GALNT14: variants seen among roughly 807,000 people sequenced by gnomAD.
GALNT14 encodes the protein polypeptide N-acetylgalactosaminyltransferase 14.
In GALNT14, 60 loss-of-function variants were observed where a neutral mutation model predicts 77.5. The ratio of observed to expected loss-of-function variants is 0.77; its 90% CI spans 0.63 to 0.96. GALNT14 has a LOEUF of 0.96. Among genes scored for constraint, GALNT14 ranks in the 40% least tolerant of loss-of-function variants. GALNT14 has a pLI of 0.00. For synonymous variants in GALNT14, 280 were observed against 281.7 expected, an observed-to-expected ratio of 0.99 and a Z score of 0.06; for missense variants, 710 against 731.0, an observed-to-expected ratio of 0.97 and a Z score of 0.33.
chr2:31,079,406 C>CCT lies in GALNT14; in HGVS notation c.129+58550_129+58551dup, dbSNP rs537556160. ...GGCCAACCCGGAGATTCACTCCTTA[C>CCT]CTCTGAGGAAGAGCTGAGCCCTCGG... On this transcript the variant is annotated intron_variant, in intron 1 of 14. Transcript: ENST00000349752. 1.4e-3 allele frequency among the ~76,000 whole-genome samples: 219 copies of CCT among 152,286 alleles called. 1 individual carries two copies. Among genetic ancestry groups the CCT allele is most frequent in the African/African-American group, 4.9e-3 (203 of 41,552 alleles).
chr2:30,919,527 G>GC (rs1664907474), intron 13 of GALNT14, among the ~76,000 whole-genome samples: 1 of 152,188 alleles, frequency 6.6e-6, no homozygotes, highest in African/African-American at 2.4e-5. Context: ...ATTCTCTGGT[G>GC]CTTTTACTCC....
chr2:31,119,922 C>A (rs1275955746), intron 1 of GALNT14, among the ~76,000 whole-genome samples: 1 of 74,910 alleles, frequency 1.3e-5, no homozygotes, highest in Non-Finnish European at 3.9e-5. Context: ...TTTGGGAGGC[C>A]GAGGCGGGCG....
At position 30,992,993 on chromosome 2, in the gene GALNT14, G is replaced by T. The variant is rs781294705; in HGVS notation, c.144C>A (p.Asp48Glu). ...CAAACTGGTCCCACAGGTCGTCCCA[G>T]TCAGCGTCCGAAGGCTGCGTGACAC... is the stretch of plus-strand genomic sequence containing the variant. ...EVQTPKPSDA[D>E]WDDLWDQFDE... Residue 48 changes from aspartate to glutamate, a missense_variant, in exon 2 of 15, where the codon GAC becomes GAA. Transcript: ENST00000349752. The T allele has an allele frequency of 8.1e-6, 13 of 1,614,010 alleles. No individual in the cohort carries two copies. The highest frequency in any genetic ancestry group is 1.1e-5 in the Non-Finnish European group (13 of 1,180,040).
intron 1 of GALNT14, among the ~76,000 whole-genome samples, chr2:31,087,979 G>A (rs1676535590): frequency 6.6e-6 from 1 of 152,198 alleles, no homozygotes; most frequent in Admixed American, 6.5e-5. Flanking sequence ...AATGATAGCG[G>A]TCTATGAACC....
intron 13 of GALNT14, among the ~76,000 whole-genome samples, chr2:30,923,709 C>G (rs1665179817): frequency 6.6e-6 from 1 of 152,172 alleles, no homozygotes; most frequent in Non-Finnish European, 1.5e-5. Flanking sequence ...GGCATTCCGT[C>G]CTGTCCCAGA....
At chr2:31,057,065 G>C (rs942446941) in intron 1 of GALNT14, among the ~76,000 whole-genome samples, 2 of 152,092 alleles carry the variant, frequency 1.3e-5, no homozygotes, top group African/African-American at 4.8e-5. Context: ...ACTGATAAGT[G>C]GGAGCTAAAC....
intron 1 of GALNT14, among the ~76,000 whole-genome samples, chr2:31,072,711 C>T (rs1362721247): frequency 6.6e-6 from 1 of 152,038 alleles, no homozygotes; most frequent in African/African-American, 2.4e-5. Flanking sequence ...GCCTTCTAGA[C>T]AGGAGGTAAG....
intron 9 of GALNT14, among the ~76,000 whole-genome samples, chr2:30,935,584 G>A (rs1327888438): frequency 6.6e-6 from 1 of 152,232 alleles, no homozygotes; most frequent in Non-Finnish European, 1.5e-5. Context: ...GCTGCTGCCA[G>A]AGTCAAGAGG....
the GALNT14 span, among the ~76,000 whole-genome samples, chr2:30,903,646 G>A: frequency 1.3e-3 from 193 of 152,268 alleles, 1 homozygote; most frequent in Admixed American, 4.2e-3. Context: ...TGTGACCCTG[G>A]CCAACGCTTT....
At chr2:31,063,497 G>A (rs533333190) in intron 1 of GALNT14, among the ~76,000 whole-genome samples, 21 of 152,256 alleles carry the variant, frequency 1.4e-4, no homozygotes, top group South Asian at 4.1e-4. Context: ...GTAGTGTGAC[G>A]CCTCCAGCTT....
chr2:31,062,587 T>C (rs2148544407), intron 1 of GALNT14, among the ~76,000 whole-genome samples: 1 of 152,292 alleles, frequency 6.6e-6, no homozygotes, highest in East Asian at 1.9e-4. Flanking sequence ...AGTAAAGGGA[T>C]TGCTGGGTCA....
At chr2:31,037,851 C>G (rs1374022927) in intron 1 of GALNT14, among the ~76,000 whole-genome samples, 1 of 151,816 alleles carries the variant, frequency 6.6e-6, no homozygotes, top group Non-Finnish European at 1.5e-5. Context: ...GTTTATAACT[C>G]TGCCTCATTC....
chr2:31,135,050 T>C (rs757325765), intron 1 of GALNT14, among the ~76,000 whole-genome samples: 1 of 152,186 alleles, frequency 6.6e-6, no homozygotes, highest in Non-Finnish European at 1.5e-5. Context: ...CATGCATGCA[T>C]AGGCTTACAT....
intron 1 of GALNT14, among the ~76,000 whole-genome samples, chr2:31,026,379 A>T (rs971719036): frequency 1.3e-5 from 2 of 152,178 alleles, no homozygotes; most frequent in African/African-American, 4.8e-5. Flanking sequence ...AAGGAGAATT[A>T]CTTTCTGTCT....
At chr2:30,905,791 A>C (rs1219529810), downstream of GALNT14, among the ~76,000 whole-genome samples, 3 of 149,562 alleles carry the variant, frequency 2.0e-5, no homozygotes, top group African/African-American at 4.9e-5. Flanking sequence ...GAAGGAAAAA[A>C]TGTTAAGGGC....
Position 30,955,678 on chromosome 2 carries a change from G to C in GALNT14, c.594C>G (p.Leu198=). 2 of 1,614,178 alleles carry C rather than the reference G, an allele frequency of 1.2e-6. No homozygotes were observed. Among genetic ancestry groups the C allele is most frequent in the Non-Finnish European group, 1.7e-6 (2 of 1,180,030 alleles). The change falls in exon 6 of 15, where the codon CTC becomes CTG. Residue 198 remains leucine (L), a synonymous_variant. Coordinates refer to ENST00000349752, the MANE Select transcript of GALNT14 (RefSeq NM_024572.4). ...CCCTGTTCACCTCACAGTGGCTGTC[G>C]AGGAAAGTCAGAGTGGTGCCCTGGG... ...DIAQGTTLTF[L]DSHCEVNRDW...
At chr2:30,908,874 G>A (rs985477154), downstream of GALNT14, among the ~76,000 whole-genome samples, 1 of 149,546 alleles carries the variant, frequency 6.7e-6, no homozygotes, top group African/African-American at 2.5e-5. Context: ...TAGATCAATG[G>A]AACAGAACAG....
rs1471076302 is a variant in GALNT14, at chr2:30,990,072, G to C, written c.299+2766C>G. 2.0e-5 allele frequency among the ~76,000 whole-genome samples: 3 copies of C among 152,060 alleles called. No individual in the cohort carries two copies. In the South Asian group the frequency reaches 6.2e-4, roughly 31 times the overall value. ...CAGCAGAGATCTTCACTGCAATTTC[G>C]CCTCAAGGGGATGTCTATGGCAAGG... On this transcript the variant is annotated intron_variant, in intron 2 of 14. Transcript: ENST00000349752.
chr2:31,097,349 C>T (rs1327527679), intron 1 of GALNT14, among the ~76,000 whole-genome samples: 5 of 152,034 alleles, frequency 3.3e-5, no homozygotes, highest in African/African-American at 1.2e-4. Context: ...TAATCCCTCT[C>T]CCCACTCTCA....
Sources: allele counts gnomAD v4.1 joint callset (sites outside exome capture counted in the v4.1 genomes callset), GRCh38; gene constraint gnomAD v4.1.1; transcripts MANE v1.5; gene names NCBI Gene and HGNC (gene_info 2026-07-23, HGNC 2026-07-21).